The following PRDM11 variants were observed in gnomAD, a reference collection of about 807,000 sequenced individuals.
The protein encoded by PRDM11 is PR domain-containing protein 11.
A neutral mutation model predicts 97.8 loss-of-function variants in PRDM11; 20 were observed. That is an observed-to-expected ratio of 0.20 (90% CI 0.14 to 0.30). The LOEUF is 0.30. Among genes scored for constraint, PRDM11 ranks in the 10% least tolerant of loss-of-function variants. The pLI is 1.00. For synonymous variants in PRDM11, 599 were observed against 637.7 expected (o/e 0.94, Z 0.91); for missense variants, 1,139 against 1,555.2 (o/e 0.73, Z 4.50).
chr11:45,196,246 GT>G (rs1446702539), intron 4 of PRDM11, among the ~76,000 whole-genome samples: 1 of 152,090 alleles, frequency 6.6e-6, no homozygotes, highest in Non-Finnish European at 1.5e-5. Flanking sequence ...AAGCATGAGG[GT>G]TTTGCTCTGC....
chr11:45,211,529 C>G (rs1476073810), intron 5 of PRDM11, among the ~76,000 whole-genome samples: 3 of 40,464 alleles, frequency 7.4e-5, no homozygotes, highest in African/African-American at 1.4e-4. Context: ...TGTCCGATGG[C>G]CCCTGTGGAT....
At chr11:45,094,685 TGGAA>T (rs762833302), upstream of PRDM11, among the ~76,000 whole-genome samples, 115 of 68,178 alleles carry the variant, frequency 1.7e-3, no homozygotes, top group Middle Eastern at 0.017. Context: ...GATGGAAGGA[TGGAA>T]GGAAGGAAGG....
At chr11:45,174,448 A>G (rs1852279706) in intron 1 of PRDM11, among the ~76,000 whole-genome samples, 3 of 151,906 alleles carry the variant, frequency 2.0e-5, no homozygotes, top group African/African-American at 4.9e-5. Flanking sequence ...TTTTTAGTAG[A>G]CATGATCTTC....
intron 1 of PRDM11, among the ~76,000 whole-genome samples, chr11:45,113,119 G>T (rs1313518165): frequency 2.0e-5 from 3 of 152,112 alleles, no homozygotes; most frequent in Non-Finnish European, 4.4e-5. Context: ...ACCATGAATC[G>T]ATTTTTGTAT....
chr11:45,190,364 T>G (rs370831658), intron 4 of PRDM11, among the ~76,000 whole-genome samples: 1 of 152,024 alleles, frequency 6.6e-6, no homozygotes, highest in Non-Finnish European at 1.5e-5. Context: ...CCCAGGCTGG[T>G]CGCAAACTCC....
chr11:45,104,774 CAATAGG>C, intron 1 of PRDM11, among the ~76,000 whole-genome samples: 1 of 152,286 alleles, frequency 6.6e-6, no homozygotes, highest in Non-Finnish European at 1.5e-5. Context: ...TTTAGAAAAG[CAATAGG>C]AATATCATCC....
intron 1 of PRDM11, among the ~76,000 whole-genome samples, chr11:45,105,197 G>T (rs7116385): frequency 0.038 from 5,762 of 152,266 alleles, 175 homozygotes; most frequent in African/African-American, 0.076. Context: ...TTTAATAAGG[G>T]CACTAATCCC....
At chr11:45,156,853 G>A (rs903107599) in intron 1 of PRDM11, among the ~76,000 whole-genome samples, 3 of 152,138 alleles carry the variant, frequency 2.0e-5, no homozygotes, top group East Asian at 1.9e-4. Flanking sequence ...TTTGCCAGGC[G>A]GAGGGAGAGG....
chr11:45,159,261 T>G (rs1851875714), intron 1 of PRDM11, among the ~76,000 whole-genome samples: 1 of 152,178 alleles, frequency 6.6e-6, no homozygotes, highest in Admixed American at 6.5e-5. Flanking sequence ...GCCTGCTGCC[T>G]CCTGGGCCCA....
At chr11:45,167,725 A>G (rs1052854608) in intron 1 of PRDM11, among the ~76,000 whole-genome samples, 2 of 151,132 alleles carry the variant, frequency 1.3e-5, no homozygotes, top group African/African-American at 2.4e-5. Flanking sequence ...AGGGATGCTT[A>G]GGACCCAAGG....
chr11:45,219,745 A>C lies in PRDM11; in HGVS notation c.730A>C (p.Asn244His). Residue 244 changes from asparagine to histidine, a missense_variant, in exon 6 of 8, where the codon AAC (asparagine) becomes CAC (histidine). Transcript: ENST00000683152. The surrounding 1 kb of genome is among the most constrained non-coding windows in gnomAD (Gnocchi z 4.2). The stretch of plus-strand genomic sequence containing the variant: ...CATGTCCCAGGAAACCATTCACCGC[A>C]ACCTGGCCAGAGGTGAGTGCCATGC... The part of the protein sequence containing the change: ...HSMSQETIHR[N>H]LARGEKRLQR... 1 of 1,613,608 alleles carries C rather than the reference A, an allele frequency of 6.2e-7. No individual in the cohort carries two copies. The highest frequency in any genetic ancestry group is 8.5e-7 in the Non-Finnish European group (1 of 1,179,872).
At chr11:45,095,856 G>A (rs1160150518) in exon 1 of PRDM11, 1 of 780,132 alleles carries the variant, frequency 1.3e-6, no homozygotes, top group East Asian at 2.4e-5. Flanking sequence ...TGGAGTGCCG[G>A]GCCTGCCTGA....
chr11:45,108,145 TCG>T (rs1233380140), intron 1 of PRDM11, among the ~76,000 whole-genome samples: 3 of 152,158 alleles, frequency 2.0e-5, no homozygotes, highest in Non-Finnish European at 4.4e-5. Context: ...CATCTTAATC[TCG>T]CTTGATCAGA....
chr11:45,227,155 G>C lies in PRDM11; in HGVS notation c.2530G>C (p.Glu844Gln). ...CAACGCTCTCATCAAGGACTACCTG[G>C]AGGTGGTGGCCCATCTCAAGGAGGT... ...VLNALIKDYL[E>Q]VVAHLKEVSS... Residue 844 changes from glutamate (E) to glutamine (Q), a missense_variant, in exon 8 of 8, where the codon GAG (glutamate) becomes CAG (glutamine). Around this residue, in one of 2 missense-constraint regions of PRDM11, gnomAD observed 710 missense variants for 1,044.9 expected, o/e 0.68. Transcript: ENST00000683152. The surrounding 1 kb of genome is among the most constrained non-coding windows in gnomAD (Gnocchi z 8.0). The C allele has an allele frequency of 6.5e-7, 1 of 1,534,008 alleles. No homozygotes were observed. Among genetic ancestry groups the C allele is most frequent in the Non-Finnish European group, 8.7e-7 (1 of 1,146,740 alleles).
At chr11:45,208,415 A>T (rs1488853750) in intron 5 of PRDM11, among the ~76,000 whole-genome samples, 1 of 152,194 alleles carries the variant, frequency 6.6e-6, no homozygotes, top group African/African-American at 2.4e-5. Flanking sequence ...GCTGTAGGTA[A>T]ATATCGCTTT....
At chr11:45,108,063 C>G (rs192290479) in intron 1 of PRDM11, among the ~76,000 whole-genome samples, 1 of 152,254 alleles carries the variant, frequency 6.6e-6, no homozygotes, top group Admixed American at 6.5e-5. Flanking sequence ...CTAGGCTGGT[C>G]TCAAACTCCT....
intron 2 of PRDM11, 136 bp downstream of exon 2, chr11:45,182,021 G>C (rs371826047): frequency 7.0e-6 from 6 of 856,320 alleles, no homozygotes; most frequent in African/African-American, 1.7e-5. Flanking sequence ...GCTCCTGGGC[G>C]CAGGCTCTAG....
At chr11:45,175,603 A>G (rs1449437166) in intron 1 of PRDM11, among the ~76,000 whole-genome samples, 5 of 152,190 alleles carry the variant, frequency 3.3e-5, no homozygotes, top group Non-Finnish European at 7.3e-5. Context: ...TTGCTTTTAA[A>G]AATAATATTG....
intron 5 of PRDM11, among the ~76,000 whole-genome samples, chr11:45,212,185 G>A (rs553338710): frequency 5.3e-5 from 8 of 152,308 alleles, no homozygotes; most frequent in South Asian, 2.1e-4. Context: ...GGGTTGGCAC[G>A]CAGCCGGTGG....
Sources: gnomAD v4.1 joint callset for allele counts (sites outside exome capture counted in the v4.1 genomes callset) on GRCh38, gnomAD v4.1.1 for gene constraint, gnomAD v4.1.1 regional missense constraint, Gnocchi (gnomAD v3.1) non-coding constraint, MANE v1.5 for transcripts, NCBI Gene and HGNC (gene_info 2026-07-23, HGNC 2026-07-21) for gene names.